SORCS3: variants seen among roughly 807,000 people sequenced by gnomAD.
SORCS3 encodes VPS10 domain-containing receptor SorCS3.
A neutral mutation model predicts 146.3 loss-of-function variants in SORCS3; 57 were observed. The observed-to-expected ratio is 0.39, with a 90% CI of 0.31 to 0.49. SORCS3 has a LOEUF of 0.49. SORCS3 is among the 20% of genes least tolerant of loss of function. The probability of loss-of-function intolerance (pLI) is 0.92; values close to 1 mark genes in which losing one functional copy is unlikely to be tolerated. For missense variants in SORCS3, 1,341 were observed against 1,575.5 expected (o/e 0.85, Z 2.52); for synonymous variants, 653 against 618.5 (o/e 1.06, Z -0.83).
At chr10:104,854,355 G>C (rs1309491175) in intron 2 of SORCS3, among the ~76,000 whole-genome samples, 1 of 152,128 alleles carries the variant, frequency 6.6e-6, no homozygotes, top group Non-Finnish European at 1.5e-5. Flanking sequence ...ATAGAAAATT[G>C]TCTGGGATGA....
At chr10:104,720,368 G>A (rs991081447) in intron 1 of SORCS3, among the ~76,000 whole-genome samples, 1 of 152,120 alleles carries the variant, frequency 6.6e-6, no homozygotes, top group Admixed American at 6.5e-5. Flanking sequence ...TCTTAATCCA[G>A]TCTATCATTG....
At chr10:104,979,524 C>A (rs554715391) in intron 4 of SORCS3, among the ~76,000 whole-genome samples, 40 of 151,928 alleles carry the variant, frequency 2.6e-4, no homozygotes, top group Non-Finnish European at 4.1e-4. Context: ...GAAACAGTTG[C>A]TCCTCAGTGT....
chr10:104,642,010 G>A, intron 1 of SORCS3, 56 bp downstream of exon 1: 2 of 1,424,988 alleles, frequency 1.4e-6, no homozygotes, highest in Non-Finnish European at 1.9e-6. Context: ...AGGGGAATGG[G>A]GGGGTGGGTG....
intron 13 of SORCS3, among the ~76,000 whole-genome samples, chr10:105,170,467 GATA>G (rs1432422574): frequency 2.6e-5 from 4 of 151,842 alleles, no homozygotes; most frequent in East Asian, 1.9e-4. Context: ...TAATAACAAT[GATA>G]ATATCACCCT....
At chr10:105,245,930 A>C (rs1796278720) in intron 21 of SORCS3, among the ~76,000 whole-genome samples, 1 of 152,198 alleles carries the variant, frequency 6.6e-6, no homozygotes, top group Non-Finnish European at 1.5e-5. Flanking sequence ...ACGTATCACA[A>C]ATTGAAGGAA....
chr10:105,164,215 C>T (rs11192344), intron 11 of SORCS3, 88 bp from the exon 12 acceptor site: 91,377 of 959,008 alleles, frequency 0.095, 5,291 homozygotes, highest in Admixed American at 0.2. Context: ...CTTAGAAAAC[C>T]TTTACTCTCT....
At chr10:104,698,359 T>C (rs540515402) in intron 1 of SORCS3, among the ~76,000 whole-genome samples, 1 of 152,292 alleles carries the variant, frequency 6.6e-6, no homozygotes, top group South Asian at 2.1e-4. Flanking sequence ...TCAATGGACA[T>C]GTCAAAGTGG....
chr10:105,024,931 G>T (rs1020087982), intron 4 of SORCS3, among the ~76,000 whole-genome samples: 1 of 152,152 alleles, frequency 6.6e-6, no homozygotes, highest in Non-Finnish European at 1.5e-5. Flanking sequence ...TGATTTTACA[G>T]ATTTTATACT....
chr10:105,010,241 A>G (rs946692756), intron 4 of SORCS3, among the ~76,000 whole-genome samples: 1 of 152,190 alleles, frequency 6.6e-6, no homozygotes, highest in Non-Finnish European at 1.5e-5. Flanking sequence ...TGTAAACTGT[A>G]AGGTAACATA....
rs535395719 is a variant in SORCS3 at position 104,962,211 on chromosome 10, T to C, written c.796-15124T>C. ...CAGGGAGGATGCTGGGCTTTCTAGG[T>C]AGGGGAGTGGCATGGGCAAAGATAG... On this transcript the variant is annotated intron_variant, in intron 3 of 26. Transcript: ENST00000369701. Among the ~76,000 whole-genome samples, 84 of 151,918 alleles carry C rather than the reference T, an allele frequency of 5.5e-4. 1 individual carries two copies. The highest frequency in any genetic ancestry group is 1.7e-3 in the African/African-American group (71 of 41,448).
At position 104,782,739 on chromosome 10, in the gene SORCS3, C is replaced by T. The variant is rs115687277; in HGVS notation, c.628-60053C>T. On this transcript the variant is annotated intron_variant, in intron 1 of 26. Coordinates refer to ENST00000369701, the MANE Select transcript of SORCS3 (RefSeq NM_014978.3). Reference sequence around the variant, plus strand: ...CCCTTACTGATAAACTATGGGATCTCGGGAAAATCACATTATCTTTCTGAG... The same window carrying T: ...CCCTTACTGATAAACTATGGGATCTTGGGAAAATCACATTATCTTTCTGAG... 3.3e-3 allele frequency among the ~76,000 whole-genome samples: 509 copies of T among 152,208 alleles called. 3 individuals are homozygous for T. The highest frequency in any genetic ancestry group is 0.012 in the African/African-American group (488 of 41,504).
chr10:105,087,297 A>G (rs2055668943), intron 5 of SORCS3, among the ~76,000 whole-genome samples: 1 of 152,126 alleles, frequency 6.6e-6, no homozygotes. Context: ...ATATCTGTTT[A>G]GGTACCAGTA....
chr10:104,971,160 TA>T (rs1589572228), intron 3 of SORCS3, among the ~76,000 whole-genome samples: 2 of 152,306 alleles, frequency 1.3e-5, no homozygotes, highest in East Asian at 3.9e-4. Context: ...GAACGTTGAT[TA>T]TGCCATGGAA....
chr10:105,136,262 T>C (rs561592824), intron 7 of SORCS3, among the ~76,000 whole-genome samples: 1 of 152,312 alleles, frequency 6.6e-6, no homozygotes, highest in African/African-American at 2.4e-5. Context: ...GTTTCTAAGA[T>C]GGTGCCTTGA....
chr10:104,829,650 A>C (rs2133535776), intron 1 of SORCS3, among the ~76,000 whole-genome samples: 1 of 152,228 alleles, frequency 6.6e-6, no homozygotes, highest in African/African-American at 2.4e-5. Flanking sequence ...TTTTGTAAGA[A>C]ATTAAGTAAA....
chr10:104,793,930 G>T (rs753191432), intron 1 of SORCS3, among the ~76,000 whole-genome samples: 1 of 152,128 alleles, frequency 6.6e-6, no homozygotes, highest in Non-Finnish European at 1.5e-5. Context: ...AATGGAATGG[G>T]GTGGGAGGCT....
chr10:105,243,301 A>C (rs1190157676), intron 20 of SORCS3, among the ~76,000 whole-genome samples: 1 of 152,046 alleles, frequency 6.6e-6, no homozygotes, highest in Non-Finnish European at 1.5e-5. Flanking sequence ...CAGATAAAGA[A>C]GTAAAGGCCA....
intron 1 of SORCS3, chr10:104,666,350 G>A (rs12411791): frequency 0.088 from 13,389 of 152,206 alleles, 644 homozygotes; most frequent in Admixed American, 0.13. Flanking sequence ...CATAGCATCA[G>A]GCAGGAGGAG....
At chr10:104,786,509 C>G (rs1053820208) in intron 1 of SORCS3, among the ~76,000 whole-genome samples, 2 of 147,374 alleles carry the variant, frequency 1.4e-5, no homozygotes, top group African/African-American at 5.1e-5. Flanking sequence ...GATGGCACCA[C>G]TGCACTCCAG....
Sources: allele counts gnomAD v4.1 joint callset (sites outside exome capture counted in the v4.1 genomes callset), GRCh38; gene constraint gnomAD v4.1.1; transcripts MANE v1.5; gene names NCBI Gene and HGNC (gene_info 2026-07-23, HGNC 2026-07-21).